GRID2: variants seen among roughly 807,000 people sequenced by gnomAD.
GRID2 encodes glutamate ionotropic receptor delta type subunit 2.
GRID2 carries 33 observed loss-of-function variants against 114.8 expected under a neutral mutation model. The ratio of observed to expected loss-of-function variants is 0.29; its 90% CI spans 0.22 to 0.38. The LOEUF (loss-of-function observed/expected upper bound fraction) is 0.38, where lower values mean the gene tolerates loss of function less well. Among genes scored for constraint, GRID2 ranks in the 10% least tolerant of loss-of-function variants. The pLI, the probability that GRID2 is intolerant of heterozygous loss-of-function variation, is 1.00. For missense variants in GRID2, 1,184 were observed against 1,257.7 expected (o/e 0.94, Z 0.89); for synonymous variants, 505 against 449.9 (o/e 1.12, Z -1.55).
At chr4:92,912,959 A>C (rs75977737) in intron 2 of GRID2, among the ~76,000 whole-genome samples, 2,263 of 151,972 alleles carry the variant, frequency 0.015, 22 homozygotes, top group East Asian at 0.054. Context: ...AGAAACTTCT[A>C]TAAAAGTATA....
At chr4:93,789,171 A>C (rs1475901390) in intron 1 of GRID2, among the ~76,000 whole-genome samples, 3 of 152,206 alleles carry the variant, frequency 2.0e-5, no homozygotes, top group Non-Finnish European at 2.9e-5. Context: ...AAACACAGTG[A>C]TATTATGTGT....
intron 1 of GRID2, among the ~76,000 whole-genome samples, chr4:92,538,533 A>G (rs1423597925): frequency 1.3e-5 from 2 of 152,200 alleles, no homozygotes. Context: ...CAAAGCAATT[A>G]CAAAAGGGAT....
intron 4 of GRID2, among the ~76,000 whole-genome samples, chr4:93,125,349 A>C (rs900543319): frequency 5.3e-5 from 8 of 152,024 alleles, no homozygotes; most frequent in African/African-American, 1.9e-4. Context: ...AGAAGTTTTG[A>C]AAAAGCAAAT....
intron 2 of GRID2, among the ~76,000 whole-genome samples, chr4:92,947,091 T>A (rs893225788): frequency 6.6e-6 from 1 of 152,050 alleles, no homozygotes; most frequent in Non-Finnish European, 1.5e-5. Flanking sequence ...AGAAAGATGT[T>A]TGAGGAGGAT....
intron 1 of GRID2, among the ~76,000 whole-genome samples, chr4:92,498,692 T>C (rs1723517575): frequency 6.6e-6 from 1 of 151,880 alleles, no homozygotes; most frequent in African/African-American, 2.4e-5. Context: ...GGTGCAAACT[T>C]AAAACATCTG....
intron 13 of GRID2, among the ~76,000 whole-genome samples, chr4:93,614,829 G>A (rs905247835): frequency 3.5e-4 from 53 of 152,192 alleles, no homozygotes; most frequent in Non-Finnish European, 7.2e-4. Flanking sequence ...AAATACTACA[G>A]GACTAATTTA....
chr4:92,688,171 T>A (rs1011392177), intron 2 of GRID2, among the ~76,000 whole-genome samples: 13 of 147,376 alleles, frequency 8.8e-5, no homozygotes, highest in Admixed American at 4.1e-4. Flanking sequence ...TGCCTCAGCC[T>A]CCTGAGTAGC....
At chr4:92,578,166 G>A (rs913092117) in intron 1 of GRID2, among the ~76,000 whole-genome samples, 1 of 146,616 alleles carries the variant, frequency 6.8e-6, no homozygotes, top group African/African-American at 2.5e-5. Flanking sequence ...TGTGCACAAC[G>A]TGCAGGTTAG....
intron 1 of GRID2, among the ~76,000 whole-genome samples, chr4:92,318,491 T>G (rs988789259): frequency 6.8e-6 from 1 of 147,300 alleles, no homozygotes; most frequent in Non-Finnish European, 1.5e-5. Context: ...GCATACTATA[T>G]GCCTATATGC....
intron 2 of GRID2, among the ~76,000 whole-genome samples, chr4:92,997,008 A>G (rs1327932850): frequency 2.6e-5 from 4 of 152,316 alleles, no homozygotes; most frequent in East Asian, 1.9e-4. Context: ...AGGTTTATCC[A>G]TCATACGTTA....
intron 10 of GRID2, among the ~76,000 whole-genome samples, chr4:93,423,258 A>C (rs531470057): frequency 4.6e-5 from 7 of 151,904 alleles, no homozygotes; most frequent in South Asian, 4.2e-4. Context: ...CTTATACCCC[A>C]AAAACAGAAA....
chr4:93,159,961 C>T (rs570985080), intron 4 of GRID2, among the ~76,000 whole-genome samples: 88 of 151,696 alleles, frequency 5.8e-4, no homozygotes, highest in African/African-American at 2.0e-3. Context: ...ATCTCATTCC[C>T]GTAGAAGTCA....
Position 92,304,737 on chromosome 4 carries a change from T to G in GRID2, c.81T>G (p.Ile27Met). 1 of 1,608,156 alleles carries G rather than the reference T, an allele frequency of 6.2e-7. No individual in the cohort carries two copies. Among genetic ancestry groups the G allele is most frequent in the South Asian group, 1.1e-5 (1 of 90,938 alleles). Residue 27 changes from isoleucine (I) to methionine (M), a missense_variant, in exon 1 of 16, where the codon ATT (isoleucine) becomes ATG (methionine). Physicochemically the swap from Ile to Met is conservative, Grantham distance 10 (BLOSUM62 1). This residue lies in a region of GRID2 where 455 missense variants were observed against 429.5 expected (regional missense o/e 1.06). Transcript: ENST00000282020. ...ACTCGGCGAATGCGGATTCGATCAT[T>G]CACATCGGTAAGAAAGTGTTGGTGC... is the stretch of plus-strand genomic sequence containing the variant. The part of the protein sequence containing the change: ...TWDSANADSI[I>M]HIGAIFDESA...
chr4:93,391,859 A>G (rs1764885929), intron 8 of GRID2, among the ~76,000 whole-genome samples: 1 of 152,190 alleles, frequency 6.6e-6, no homozygotes, highest in Non-Finnish European at 1.5e-5. Context: ...ATATTACATT[A>G]ATTTTAACAG....
intron 2 of GRID2, among the ~76,000 whole-genome samples, chr4:92,921,179 T>C (rs1174399306): frequency 6.6e-6 from 1 of 152,180 alleles, no homozygotes; most frequent in Non-Finnish European, 1.5e-5. Flanking sequence ...GTAGTTCTCA[T>C]GCCATGGTTT....
At chr4:92,888,636 G>C (rs1028947695) in intron 2 of GRID2, among the ~76,000 whole-genome samples, 1 of 151,924 alleles carries the variant, frequency 6.6e-6, no homozygotes, top group Non-Finnish European at 1.5e-5. Context: ...TGCACAGCAG[G>C]TATGTAGAAA....
intron 2 of GRID2, among the ~76,000 whole-genome samples, chr4:92,973,962 A>G (rs1311062475): frequency 1.3e-5 from 2 of 152,114 alleles, no homozygotes; most frequent in African/African-American, 4.8e-5. Context: ...GCAAAATCCA[A>G]AATCTACAAA....
At chr4:92,862,460 T>C (rs912073726) in intron 2 of GRID2, among the ~76,000 whole-genome samples, 5 of 152,072 alleles carry the variant, frequency 3.3e-5, no homozygotes, top group Non-Finnish European at 7.4e-5. Flanking sequence ...TAATAATTGC[T>C]TGTGTTCTGA....
At chr4:92,815,689 G>T (rs1740858586) in intron 2 of GRID2, among the ~76,000 whole-genome samples, 2 of 151,470 alleles carry the variant, frequency 1.3e-5, no homozygotes, top group African/African-American at 4.9e-5. Flanking sequence ...GAGGCAGGGG[G>T]ATTGCTTGAG....
Sources: allele counts gnomAD v4.1 joint callset (sites outside exome capture counted in the v4.1 genomes callset), GRCh38; gene constraint gnomAD v4.1.1; regional missense constraint gnomAD v4.1.1; transcripts MANE v1.5; gene names NCBI Gene and HGNC (gene_info 2026-07-23, HGNC 2026-07-21).